SLAMF6: variants seen among roughly 807,000 people sequenced by gnomAD.
SLAMF6 encodes the protein SLAM family member 6.
A neutral mutation model predicts 38.3 loss-of-function variants in SLAMF6; 21 were observed. The observed-to-expected ratio is 0.55, with a 90% CI of 0.39 to 0.79. SLAMF6 has a LOEUF of 0.79. Among genes scored for constraint, SLAMF6 ranks in the 30% least tolerant of loss-of-function variants. The probability of loss-of-function intolerance (pLI) is 0.00; values close to 1 mark genes in which losing one functional copy is unlikely to be tolerated. For synonymous variants in SLAMF6, 152 were observed against 146.3 expected, an observed-to-expected ratio of 1.04 and a Z score of -0.28; for missense variants, 341 against 385.3, an observed-to-expected ratio of 0.89 and a Z score of 0.96.
rs1571276230 is a variant in SLAMF6, at chr1:160,486,846, G to A, written c.952-92C>T. ...TACAGAGAGAGGACTGGAGACTACA[G>A]AGAGGCAGATAATAGAGATATTGAT... On this transcript the variant is annotated intron_variant, in intron 7 of 7. Transcript: ENST00000368057. 5 of 1,423,818 alleles carry A rather than the reference G, an allele frequency of 3.5e-6. No homozygotes were observed. In the East Asian group the frequency reaches 1.1e-4, roughly 33 times the overall value. 88.2% of individuals were successfully genotyped at this position (1,423,818 alleles called of 1,614,324 possible).
At chr1:160,489,290 TC>T in intron 5 of SLAMF6, 120 bp from the exon 6 acceptor site, 1 of 874,386 alleles carries the variant, frequency 1.1e-6, no homozygotes, top group South Asian at 1.5e-5. Flanking sequence ...GCATCTCCTT[TC>T]CTGAGGGATC....
chr1:160,499,791 G>A (rs894388420), intron 1 of SLAMF6, among the ~76,000 whole-genome samples: 3 of 152,124 alleles, frequency 2.0e-5, no homozygotes, highest in African/African-American at 4.8e-5. Flanking sequence ...GCTCCTGGGT[G>A]AGCTTGCACT....
intron 1 of SLAMF6, among the ~76,000 whole-genome samples, chr1:160,514,307 T>A (rs1221517890): frequency 1.3e-5 from 2 of 152,172 alleles, no homozygotes; most frequent in African/African-American, 4.8e-5. Flanking sequence ...CAAGAAGAAC[T>A]AACTATCCTA....
chr1:160,520,145 C>CGGTT (rs1654920351), intron 1 of SLAMF6, among the ~76,000 whole-genome samples: 1 of 152,096 alleles, frequency 6.6e-6, no homozygotes, highest in Non-Finnish European at 1.5e-5. Flanking sequence ...AAGATGTGGA[C>CGGTT]GGTTGGTAAA....
At chr1:160,511,345 G>A (rs144214497) in intron 1 of SLAMF6, among the ~76,000 whole-genome samples, 124 of 152,280 alleles carry the variant, frequency 8.1e-4, no homozygotes, top group African/African-American at 2.8e-3. Context: ...AATCAAAACA[G>A]TGTGGTACTG....
intron 3 of SLAMF6, 154 bp from the exon 4 acceptor site, chr1:160,490,839 A>T: frequency 1.3e-6 from 1 of 749,674 alleles, no homozygotes; most frequent in Non-Finnish European, 1.6e-6. Context: ...TGTGGCAGGC[A>T]GGGGAGGGTG....
At position 160,491,199 on chromosome 1, in the gene SLAMF6, T is replaced by C; in HGVS notation, c.572A>G (p.Gln191Arg). ...VSWDPRISSE[Q>R]DYTCIAENAV... ...ATTCTCTGCTATGCAGGTGTAGTCC[T>C]GTTCACTGGAAATCCTGGGGTCCCA... is the stretch of plus-strand genomic sequence containing the variant. The change falls in exon 3 of 8, where the codon CAG becomes CGG. Residue 191 changes from glutamine (Q) to arginine (R), a missense_variant. Coordinates refer to ENST00000368057, the MANE Select transcript of SLAMF6 (RefSeq NM_001184714.2). The C allele has an allele frequency of 6.2e-7, 1 of 1,614,134 alleles. No homozygotes were observed. Among genetic ancestry groups the C allele is most frequent in the Non-Finnish European group, 8.5e-7 (1 of 1,179,994 alleles).
chr1:160,493,049 T>C (rs1653388506), intron 2 of SLAMF6, among the ~76,000 whole-genome samples: 1 of 152,196 alleles, frequency 6.6e-6, no homozygotes, highest in Non-Finnish European at 1.5e-5. Context: ...AGTCAAATCA[T>C]ATTACTTGTT....
intron 1 of SLAMF6, among the ~76,000 whole-genome samples, chr1:160,522,527 G>A (rs967790864): frequency 6.6e-6 from 1 of 152,118 alleles, no homozygotes; most frequent in Non-Finnish European, 1.5e-5. Context: ...CAGGAAACAA[G>A]AAGCCAGCTG....
intron 2 of SLAMF6, among the ~76,000 whole-genome samples, chr1:160,495,121 C>A (rs1265883): frequency 0.95 from 145,381 of 152,288 alleles, 69,445 homozygotes; most frequent in African/African-American, 0.99. Flanking sequence ...CTGTGGAGAC[C>A]TTTTATTTTA....
chr1:160,508,372 G>C (rs1331639149), intron 1 of SLAMF6, among the ~76,000 whole-genome samples: 1 of 152,154 alleles, frequency 6.6e-6, no homozygotes, highest in Admixed American at 6.5e-5. Context: ...ACAACCATCT[G>C]ATCTTTGACA....
At chr1:160,508,957 C>A (rs1053850529) in intron 1 of SLAMF6, among the ~76,000 whole-genome samples, 8 of 152,152 alleles carry the variant, frequency 5.3e-5, no homozygotes, top group Non-Finnish European at 1.0e-4. Flanking sequence ...CAATGAGATA[C>A]CATCTCACAC....
intron 6 of SLAMF6, 133 bp downstream of exon 6, chr1:160,488,955 G>A (rs998764427): frequency 6.5e-6 from 5 of 765,336 alleles, no homozygotes; most frequent in Non-Finnish European, 1.1e-5. Context: ...GCATAACTTT[G>A]CAGCCCCTGT....
chr1:160,489,432 C>A (rs1417910918), intron 5 of SLAMF6, among the ~76,000 whole-genome samples: 1 of 152,180 alleles, frequency 6.6e-6, no homozygotes. Context: ...TCAGGCTTCA[C>A]ATGTGGGTCA....
intron 1 of SLAMF6, among the ~76,000 whole-genome samples, chr1:160,506,851 G>A (rs534425121): frequency 6.6e-6 from 1 of 152,236 alleles, no homozygotes; most frequent in South Asian, 2.1e-4. Flanking sequence ...GTTATAAGTT[G>A]AAGAGGTTAA....
intron 1 of SLAMF6, among the ~76,000 whole-genome samples, chr1:160,503,111 GA>G (rs1197666749): frequency 6.6e-6 from 1 of 152,170 alleles, no homozygotes; most frequent in Non-Finnish European, 1.5e-5. Flanking sequence ...TTTTGAGACT[GA>G]AAAGAATAAG....
chr1:160,518,300 T>C lies in SLAMF6; in HGVS notation c.49+4844A>G, dbSNP rs181094646. ...TGGAGAAATAGAAACTCTTTTACAC[T>C]GTTGGTGGGAATGTAAATTAGTTCA... On this transcript the variant is annotated intron_variant, in intron 1 of 7. Transcript: ENST00000368057. Among the ~76,000 whole-genome samples the C allele has an allele frequency of 2.6e-4, 39 of 152,276 alleles. No homozygotes were observed. In the East Asian group the frequency reaches 4.8e-3, roughly 19 times the overall value.
chr1:160,487,330 T>A (rs977024941), intron 6 of SLAMF6, 155 bp from the exon 7 acceptor site: 8 of 199,018 alleles, frequency 4.0e-5, no homozygotes, highest in Non-Finnish European at 7.2e-5. Context: ...CAAGCACGAC[T>A]AGCTATCAAA....
intron 2 of SLAMF6, 41 bp from the exon 3 acceptor site, chr1:160,491,429 G>A: frequency 1.3e-6 from 2 of 1,587,648 alleles, no homozygotes; most frequent in South Asian, 1.1e-5. Flanking sequence ...AAGGACAAAT[G>A]TCTTGGCTCA....
Sources: gnomAD v4.1 joint callset for allele counts (sites outside exome capture counted in the v4.1 genomes callset) on GRCh38, gnomAD v4.1.1 for gene constraint, MANE v1.5 for transcripts, NCBI Gene and HGNC (gene_info 2026-07-23, HGNC 2026-07-21) for gene names.